The following ACOT8 variants were observed in gnomAD, a reference collection of about 807,000 sequenced individuals.
The protein encoded by ACOT8 is acyl-coenzyme A thioesterase 8.
ACOT8 carries 31 observed loss-of-function variants against 38.4 expected under a neutral mutation model. That is an observed-to-expected ratio of 0.81 (90% CI 0.61 to 1.09). The LOEUF (loss-of-function observed/expected upper bound fraction) is 1.09. Among genes scored for constraint, ACOT8 ranks in the 50% least tolerant of loss-of-function variants. ACOT8 has a pLI of 0.00. For synonymous variants in ACOT8, 158 were observed against 170.3 expected, an observed-to-expected ratio of 0.93 and a Z score of 0.56; for missense variants, 373 against 421.8, an observed-to-expected ratio of 0.88 and a Z score of 1.01.
At chr20:45,843,283 A>G in intron 5 of ACOT8, 1 of 692,268 alleles carries the variant, frequency 1.4e-6, no homozygotes, top group African/African-American at 1.7e-5. Context: ...TGGTTTTGGG[A>G]CTAGAACTGG....
At chr20:45,854,013 A>G in intron 2 of ACOT8, 1 of 1,274,690 alleles carries the variant, frequency 7.8e-7, no homozygotes, top group Non-Finnish European at 1.0e-6. Flanking sequence ...GAAAGAAAAC[A>G]GTGAGGGTTT....
intron 1 of ACOT8, 88 bp from the exon 2 acceptor site, chr20:45,855,380 A>G (rs1404587835): frequency 1.1e-5 from 17 of 1,515,474 alleles, no homozygotes; most frequent in Admixed American, 5.4e-5. Flanking sequence ...TGATCTCTTC[A>G]CCATATTGGG....
chr20:45,849,256 C>G (rs957933979), intron 2 of ACOT8: 1 of 152,154 alleles, frequency 6.6e-6, no homozygotes, highest in Non-Finnish European at 1.5e-5. Flanking sequence ...TTTTTGAGAA[C>G]AAACAAAGGC....
chr20:45,856,157 GGGAGACT>G (rs1476771435), intron 1 of ACOT8, among the ~76,000 whole-genome samples: 1 of 152,024 alleles, frequency 6.6e-6, no homozygotes, highest in Non-Finnish European at 1.5e-5. Flanking sequence ...CCAGCTAAAC[GGGAGACT>G]GAGGCAGAAG....
chr20:45,856,332 A>T (rs921035113), intron 1 of ACOT8, among the ~76,000 whole-genome samples: 1 of 152,204 alleles, frequency 6.6e-6, no homozygotes, highest in African/African-American at 2.4e-5. Flanking sequence ...AAGGGAGCTC[A>T]AAGTAAGATA....
intron 3 of ACOT8, among the ~76,000 whole-genome samples, chr20:45,845,951 C>T (rs1435061789): frequency 2.6e-5 from 4 of 152,022 alleles, no homozygotes; most frequent in African/African-American, 9.7e-5. Context: ...CCTGCCTCAG[C>T]CTCCTGAGTA....
rs1984447170 is a variant in ACOT8 at position 45,843,709 on chromosome 20, A to G, written c.659T>C (p.Met220Thr). ...RARGYIGEGDMKMHCCVAAYI... is the reference protein window; with the variant it reads ...RARGYIGEGDTKMHCCVAAYI... ...GGCGGCCACGCAGCAGTGCATCTTC[A>G]TGTCGCCCTCGCCTGCAACAGGTCC... Residue 220 changes from methionine to threonine, a missense_variant, in exon 5 of 6, where the codon ATG (methionine) becomes ACG (threonine). Met to Thr is a moderately conservative substitution (Grantham distance 81). Coordinates refer to ENST00000217455, the MANE Select transcript of ACOT8 (RefSeq NM_005469.4). 6.2e-7 allele frequency: 1 copy of G among 1,606,612 alleles called. No homozygotes were observed. Among genetic ancestry groups the G allele is most frequent in the Non-Finnish European group, 8.5e-7 (1 of 1,173,966 alleles).
intron 2 of ACOT8, chr20:45,853,374 C>G (rs1360523906): frequency 1.3e-5 from 2 of 152,212 alleles, no homozygotes; most frequent in Non-Finnish European, 2.9e-5. Context: ...TGCCTGCCAC[C>G]CATGTTTACT....
At chr20:45,846,169 C>T (rs1239506175) in intron 3 of ACOT8, among the ~76,000 whole-genome samples, 2 of 152,170 alleles carry the variant, frequency 1.3e-5, no homozygotes, top group African/African-American at 4.8e-5. Context: ...GTAATATAGC[C>T]ACGAGTGGCT....
intron 2 of ACOT8, among the ~76,000 whole-genome samples, chr20:45,850,305 G>A (rs111702514): frequency 3.3e-5 from 5 of 152,312 alleles, no homozygotes; most frequent in South Asian, 2.1e-4. Flanking sequence ...GGCTTTCTCC[G>A]GTTGGTCCTA....
chr20:45,857,049 G>A lies in ACOT8; in HGVS notation c.128+139C>T. The A allele has an allele frequency of 1.2e-5, 12 of 1,014,964 alleles. 1 individual carries two copies. Among genetic ancestry groups the A allele is most frequent in the Middle Eastern group, 2.6e-4 (1 of 3,804 alleles). The allele number at this position is 1,014,964 out of a possible 1,614,324, so 62.9% of individuals were successfully genotyped here. On this transcript the variant is annotated intron_variant, in intron 1 of 5. Transcript: ENST00000217455. ...CAGAGAGGACAGCTCTGTTGGGGGC[G>A]AGTTCTCTCCTAATCGTGGCAGAGG...
At position 45,841,796 on chromosome 20, in the gene ACOT8, A is replaced by G. The variant is rs770476823; in HGVS notation, c.*42T>C. The G allele has an allele frequency of 8.6e-5, 134 of 1,551,336 alleles. No individual in the cohort carries two copies. Among genetic ancestry groups the G allele is most frequent in the Non-Finnish European group, 1.1e-4 (130 of 1,154,798 alleles). On this transcript the variant is annotated 3_prime_UTR_variant, in exon 6 of 6. Transcript: ENST00000217455. ...ACTCCTGTCTCAGGAATGGGGATAG[A>G]TGGGAGGTTCTTGAAGCCCCAGGCG...
In ACOT8 at chr20:45,844,387, C is replaced by A. The variant is rs149898848; in HGVS notation, c.522G>T (p.Ala174=). 1.2e-6 allele frequency: 2 copies of A among 1,614,006 alleles called. No homozygotes were observed. Among genetic ancestry groups the A allele is most frequent in the Non-Finnish European group, 1.7e-6 (2 of 1,179,978 alleles). The change falls in exon 4 of 6, where the codon GCG becomes GCT. Residue 174 remains alanine (A), a synonymous_variant. Coordinates refer to ENST00000217455, the MANE Select transcript of ACOT8 (RefSeq NM_005469.4). ...DPNLQKRYPL[A]LNRIAAQEVP... ...CCTCCTGAGCAGCAATTCGGTTGAG[C>A]GCCAATGGGTACCTCTTTTGGAGGT...
At chr20:45,845,471 C>T (rs535507241) in intron 3 of ACOT8, among the ~76,000 whole-genome samples, 24 of 152,278 alleles carry the variant, frequency 1.6e-4, no homozygotes, top group African/African-American at 5.3e-4. Flanking sequence ...GCTGGGATTA[C>T]AGGAGTGAGC....
At chr20:45,853,050 T>G (rs1985165930) in intron 2 of ACOT8, among the ~76,000 whole-genome samples, 1 of 152,228 alleles carries the variant, frequency 6.6e-6, no homozygotes, top group Admixed American at 6.5e-5. Flanking sequence ...ATTACAGGCA[T>G]GAGCCACCAC....
chr20:45,854,160 A>T (rs567445556), intron 2 of ACOT8, among the ~76,000 whole-genome samples: 1 of 143,684 alleles, frequency 7.0e-6, no homozygotes, highest in African/African-American at 2.5e-5. Context: ...TGGCCTCCCA[A>T]TGTGCGGGGA....
chr20:45,854,488 C>T (rs895220527), intron 2 of ACOT8, among the ~76,000 whole-genome samples: 6 of 152,152 alleles, frequency 3.9e-5, no homozygotes, highest in South Asian at 2.1e-4. Context: ...GGATTACAGG[C>T]GTGAGCCACC....
At chr20:45,842,000 C>T in intron 5 of ACOT8, 44 bp from the exon 6 acceptor site, 2 of 1,604,468 alleles carry the variant, frequency 1.2e-6, no homozygotes, top group Non-Finnish European at 8.5e-7. Flanking sequence ...TTCAGAACAG[C>T]CAAATACACT....
intron 1 of ACOT8, among the ~76,000 whole-genome samples, chr20:45,855,519 G>A (rs1295425308): frequency 6.6e-6 from 1 of 152,206 alleles, no homozygotes; most frequent in Non-Finnish European, 1.5e-5. Context: ...TTGGGAGGCC[G>A]AGGCAGGTGG....
Sources: gnomAD v4.1 joint callset for allele counts (sites outside exome capture counted in the v4.1 genomes callset) on GRCh38, gnomAD v4.1.1 for gene constraint, MANE v1.5 for transcripts, NCBI Gene and HGNC (gene_info 2026-07-23, HGNC 2026-07-21) for gene names.